L3MBTL4: variants seen among roughly 807,000 people sequenced by gnomAD.
The protein encoded by L3MBTL4 is lethal(3)malignant brain tumor-like protein 4.
L3MBTL4 carries 70 observed loss-of-function variants against 84.5 expected under a neutral mutation model. That is an observed-to-expected ratio of 0.83 (90% CI 0.68 to 1.01). The LOEUF (loss-of-function observed/expected upper bound fraction) is 1.01. L3MBTL4 is among the 50% of genes least tolerant of loss of function. The pLI is 0.00. For missense variants in L3MBTL4, 715 were observed against 754.8 expected, an observed-to-expected ratio of 0.95 and a Z score of 0.62; for synonymous variants, 274 against 259.8, an observed-to-expected ratio of 1.05 and a Z score of -0.52.
At chr18:6,264,179 C>G in intron 4 of L3MBTL4, 141 bp from the exon 5 acceptor site, 1 of 633,972 alleles carries the variant, frequency 1.6e-6, no homozygotes, top group Non-Finnish European at 2.8e-6. Context: ...AGAGTCTTCT[C>G]TCTCAATTCA....
At chr18:6,224,361 G>C (rs943249757) in intron 10 of L3MBTL4, among the ~76,000 whole-genome samples, 2 of 152,168 alleles carry the variant, frequency 1.3e-5, no homozygotes, top group African/African-American at 4.8e-5. Context: ...GGAATTGCAG[G>C]CACCAAATAT....
chr18:5,990,172 T>C (rs1169474793), intron 16 of L3MBTL4, among the ~76,000 whole-genome samples: 1 of 152,104 alleles, frequency 6.6e-6, no homozygotes, highest in Non-Finnish European at 1.5e-5. Flanking sequence ...CAAAGTAGGG[T>C]TATAAAAAGG....
At chr18:6,059,033 C>G (rs1224100217) in intron 16 of L3MBTL4, among the ~76,000 whole-genome samples, 1 of 152,170 alleles carries the variant, frequency 6.6e-6, no homozygotes, top group Non-Finnish European at 1.5e-5. Context: ...AGTCAATAGC[C>G]AAGGACCCTC....
chr18:6,143,592 AG>A (rs2144713363), intron 13 of L3MBTL4, among the ~76,000 whole-genome samples: 1 of 152,340 alleles, frequency 6.6e-6, no homozygotes, highest in East Asian at 1.9e-4. Context: ...ATTTTTGCCA[AG>A]AATAGCTTAC....
At chr18:6,405,150 A>C (rs1181162684) in intron 1 of L3MBTL4, among the ~76,000 whole-genome samples, 1 of 152,258 alleles carries the variant, frequency 6.6e-6, no homozygotes, top group Admixed American at 6.5e-5. Context: ...TAGGACATGC[A>C]AAGGCAAGGA....
In L3MBTL4 at chr18:6,366,327, C is replaced by T. The variant is rs28616290; in HGVS notation, c.-91+48474G>A. Among the ~76,000 whole-genome samples the T allele has an allele frequency of 6.3e-3, 963 of 152,242 alleles. 9 individuals carry two copies. Among genetic ancestry groups the T allele is most frequent in the African/African-American group, 0.022 (914 of 41,546 alleles). ...CTGAGCTCCTAAAACTGTAGCCATA[C>T]AGAAAATACAGACAAACGCTCATGT... On this transcript the variant is annotated intron_variant, in intron 1 of 18. Transcript: ENST00000317931.
chr18:6,375,045 CG>C (rs34752294), intron 1 of L3MBTL4, among the ~76,000 whole-genome samples: 1 of 152,158 alleles, frequency 6.6e-6, no homozygotes, highest in Non-Finnish European at 1.5e-5. Flanking sequence ...TTGGGAAACT[CG>C]GGCTGCTCTT....
chr18:6,162,189 A>G (rs948547343), intron 13 of L3MBTL4, among the ~76,000 whole-genome samples: 11 of 152,090 alleles, frequency 7.2e-5, no homozygotes, highest in African/African-American at 2.7e-4. Flanking sequence ...CTTTTGTAAA[A>G]ATCCACTAAA....
chr18:6,242,810 A>G (rs2047506509), intron 7 of L3MBTL4, among the ~76,000 whole-genome samples: 1 of 152,212 alleles, frequency 6.6e-6, no homozygotes, highest in African/African-American at 2.4e-5. Flanking sequence ...CTCCTCTAGC[A>G]CATAACAAAA....
chr18:6,038,340 G>A (rs899604620), intron 16 of L3MBTL4, among the ~76,000 whole-genome samples: 3 of 141,328 alleles, frequency 2.1e-5, no homozygotes, highest in Admixed American at 7.8e-5. Flanking sequence ...TGCAAGCTCC[G>A]CCTCTCGGGT....
chr18:5,969,275 G>C, intron 17 of L3MBTL4, 118 bp downstream of exon 17: 3 of 1,097,852 alleles, frequency 2.7e-6, no homozygotes, highest in Non-Finnish European at 4.0e-6. Context: ...TGGCAGATGC[G>C]ATGCCTAAGA....
chr18:6,087,286 C>G (rs530604789), intron 15 of L3MBTL4, among the ~76,000 whole-genome samples: 1 of 152,216 alleles, frequency 6.6e-6, no homozygotes, highest in Admixed American at 6.5e-5. Flanking sequence ...AATTCTAGGG[C>G]AGGTGGTGGT....
chr18:6,076,955 C>T (rs1300944731), intron 16 of L3MBTL4, among the ~76,000 whole-genome samples: 2 of 152,122 alleles, frequency 1.3e-5, no homozygotes, highest in Non-Finnish European at 2.9e-5. Context: ...GGCGACAGGA[C>T]AGAGCACCTG....
rs546953334 is a variant in L3MBTL4 at position 6,257,292 on chromosome 18, C to G, written c.219+6655G>C. Among the ~76,000 whole-genome samples, 9 of 152,040 alleles carry G rather than the reference C, an allele frequency of 5.9e-5. No individual in the cohort carries two copies. In the South Asian group the frequency reaches 1.7e-3, roughly 28 times the overall value. On this transcript the variant is annotated intron_variant, in intron 5 of 18. Transcript: ENST00000317931. Reference sequence around the variant, plus strand: ...ACCAGAGGGCAGAGAGGAACTAAAACAAGAAGAAAGAAACCCAAGTCAGGC... The same window carrying G: ...ACCAGAGGGCAGAGAGGAACTAAAAGAAGAAGAAAGAAACCCAAGTCAGGC...
chr18:6,035,474 T>C (rs1234551966), intron 16 of L3MBTL4, among the ~76,000 whole-genome samples: 1 of 151,442 alleles, frequency 6.6e-6, no homozygotes, highest in Non-Finnish European at 1.5e-5. Flanking sequence ...TGCGGCGTTA[T>C]TTCTGAGGGC....
In L3MBTL4 at chr18:6,139,534, C is replaced by T. The variant is rs116189324; in HGVS notation, c.1097-1238G>A. Reference sequence around the variant, plus strand: ...ACATACACATGTGCACACACACACACGCACACTCACACATATCAGTTCCTG... The same window carrying T: ...ACATACACATGTGCACACACACACATGCACACTCACACATATCAGTTCCTG... On this transcript the variant is annotated intron_variant, in intron 13 of 18. Transcript: ENST00000317931. Among the ~76,000 whole-genome samples, 525 of 152,102 alleles carry T rather than the reference C, an allele frequency of 3.5e-3. 2 individuals carry two copies. The highest frequency in any genetic ancestry group is 0.012 in the African/African-American group (478 of 41,490).
chr18:6,008,849 A>G (rs1435724332), intron 16 of L3MBTL4, among the ~76,000 whole-genome samples: 2 of 152,204 alleles, frequency 1.3e-5, no homozygotes, highest in Non-Finnish European at 1.5e-5. Context: ...GAATGAGGCA[A>G]CAGTCTGTGT....
intron 10 of L3MBTL4, among the ~76,000 whole-genome samples, chr18:6,235,127 T>G (rs990208780): frequency 5.3e-5 from 8 of 151,972 alleles, no homozygotes; most frequent in Admixed American, 1.3e-4. Flanking sequence ...ATGAGAACAC[T>G]TGGACACAGG....
chr18:5,969,118 C>T (rs2052502433), intron 17 of L3MBTL4, among the ~76,000 whole-genome samples: 2 of 152,080 alleles, frequency 1.3e-5, no homozygotes, highest in Admixed American at 1.3e-4. Context: ...CTTGAATTAG[C>T]CCCAGCTGAT....
Sources: allele counts gnomAD v4.1 joint callset (sites outside exome capture counted in the v4.1 genomes callset), GRCh38; gene constraint gnomAD v4.1.1; transcripts MANE v1.5; gene names NCBI Gene and HGNC (gene_info 2026-07-23, HGNC 2026-07-21).